GABRB1: variants seen among roughly 807,000 people sequenced by gnomAD.
GABRB1 encodes the protein gamma-aminobutyric acid type A receptor subunit beta1.
GABRB1 carries 17 observed loss-of-function variants against 51.6 expected under a neutral mutation model. The ratio of observed to expected loss-of-function variants is 0.33; its 90% CI spans 0.23 to 0.49. The LOEUF (loss-of-function observed/expected upper bound fraction) is 0.49, where lower values mean the gene tolerates loss of function less well. Among genes scored for constraint, GABRB1 ranks in the 20% least tolerant of loss-of-function variants. The pLI, the probability that GABRB1 is intolerant of heterozygous loss-of-function variation, is 0.99. For missense variants in GABRB1, 410 were observed against 600.6 expected, an observed-to-expected ratio of 0.68 and a Z score of 3.32; for synonymous variants, 247 against 218.9, an observed-to-expected ratio of 1.13 and a Z score of -1.14.
At chr4:47,275,925 A>C (rs1171797223) in intron 4 of GABRB1, among the ~76,000 whole-genome samples, 1 of 152,178 alleles carries the variant, frequency 6.6e-6, no homozygotes. Flanking sequence ...ATACATGGAC[A>C]GGCTTTGGAT....
intron 5 of GABRB1, among the ~76,000 whole-genome samples, chr4:47,335,869 T>C (rs1361970589): frequency 6.6e-6 from 1 of 152,132 alleles, no homozygotes; most frequent in Admixed American, 6.5e-5. Flanking sequence ...CAAGGTGAGA[T>C]GTATGTTGAA....
chr4:47,395,051 C>A (rs1293668798), intron 5 of GABRB1, among the ~76,000 whole-genome samples: 1 of 152,068 alleles, frequency 6.6e-6, no homozygotes, highest in African/African-American at 2.4e-5. Context: ...GTGAAATGTA[C>A]AGCATTGCAA....
intron 5 of GABRB1, among the ~76,000 whole-genome samples, chr4:47,370,669 T>A (rs544655993): frequency 9.8e-4 from 149 of 152,278 alleles, no homozygotes; most frequent in South Asian, 2.3e-3. Flanking sequence ...GCAGGTATAT[T>A]CTGTGCTCAA....
chr4:46,997,530 C>T (rs1724038747), intron 1 of GABRB1, among the ~76,000 whole-genome samples: 1 of 151,772 alleles, frequency 6.6e-6, no homozygotes, highest in Admixed American at 6.6e-5. Flanking sequence ...TGGTAACTAC[C>T]ATTCTACTCT....
chr4:47,240,605 A>T (rs1465535889), intron 4 of GABRB1, among the ~76,000 whole-genome samples: 1 of 152,216 alleles, frequency 6.6e-6, no homozygotes, highest in Non-Finnish European at 1.5e-5. Context: ...CTCAGCAGTG[A>T]AAGGAGCTGA....
chr4:47,356,742 C>T (rs572634984), intron 5 of GABRB1, among the ~76,000 whole-genome samples: 113 of 152,056 alleles, frequency 7.4e-4, no homozygotes, highest in South Asian at 4.4e-3. Flanking sequence ...GCTTCCATCC[C>T]GTAATGTTCA....
At chr4:47,193,555 A>G (rs1168465622) in intron 4 of GABRB1, among the ~76,000 whole-genome samples, 1 of 152,250 alleles carries the variant, frequency 6.6e-6, no homozygotes, top group Non-Finnish European at 1.5e-5. Context: ...AACACCAAAT[A>G]TCTCACAGAG....
chr4:47,221,625 G>A (rs950327551), intron 4 of GABRB1, among the ~76,000 whole-genome samples: 12 of 151,538 alleles, frequency 7.9e-5, no homozygotes, highest in African/African-American at 2.9e-4. Flanking sequence ...GCCGTATAAA[G>A]GTGCCACAAC....
intron 3 of GABRB1, among the ~76,000 whole-genome samples, chr4:47,059,605 T>C (rs1164938735): frequency 1.3e-5 from 2 of 152,210 alleles, no homozygotes; most frequent in African/African-American, 4.8e-5. Flanking sequence ...GATATTTTCT[T>C]GCTGCAACAT....
intron 5 of GABRB1, among the ~76,000 whole-genome samples, chr4:47,353,113 A>G (rs1444212573): frequency 6.6e-6 from 1 of 152,076 alleles, no homozygotes; most frequent in East Asian, 1.9e-4. Context: ...ATCAGATCTC[A>G]TGAGACTTAT....
intron 3 of GABRB1, among the ~76,000 whole-genome samples, chr4:47,079,784 T>G (rs1325022603): frequency 7.6e-6 from 1 of 131,074 alleles, no homozygotes; most frequent in Admixed American, 9.2e-5. Flanking sequence ...CACTCATAGG[T>G]GGGAACTGAA....
chr4:47,015,133 C>T (rs1337791444), intron 1 of GABRB1, among the ~76,000 whole-genome samples: 1 of 152,146 alleles, frequency 6.6e-6, no homozygotes, highest in Non-Finnish European at 1.5e-5. Context: ...GTCTCGAACT[C>T]CTGACCTTGT....
In GABRB1 at chr4:47,019,619, TTC is replaced by T. The variant is rs1175048632; in HGVS notation, c.-19-12287_-19-12286del. Among the ~76,000 whole-genome samples, 278 of 108,096 alleles carry T rather than the reference TTC, an allele frequency of 2.6e-3. 5 individuals carry two copies. Among genetic ancestry groups the T allele is most frequent in the Non-Finnish European group, 1.6e-3 (84 of 53,178 alleles). The allele number at this position is 108,096 out of a possible 152,430, so 70.9% of individuals were successfully genotyped here. A position where few individuals can be genotyped will look rare whatever the true frequency, so the allele number is the denominator to read the frequency against. The stretch of plus-strand genomic sequence containing the variant: ...CTCCCTTCCTCCCTTCTTTCTTTCT[TTC>T]TCTCTCTTTCTTTCTTTCTTTCTTT... On this transcript the variant is annotated intron_variant, in intron 1 of 3. Transcript: ENST00000513567.
At chr4:47,416,611 C>T (rs1728929576) in intron 8 of GABRB1, among the ~76,000 whole-genome samples, 1 of 151,908 alleles carries the variant, frequency 6.6e-6, no homozygotes, top group African/African-American at 2.4e-5. Flanking sequence ...GCCACCACAC[C>T]CGGCTAATTT....
chr4:47,105,314 C>G (rs1465397313), intron 3 of GABRB1, among the ~76,000 whole-genome samples: 1 of 151,992 alleles, frequency 6.6e-6, no homozygotes, highest in Non-Finnish European at 1.5e-5. Context: ...TCTCTTTTAT[C>G]TCTCTCTCTC....
Position 47,113,008 on chromosome 4 carries a change from C to T in GABRB1, c.241-48241C>T, listed in dbSNP as rs551013680. Among the ~76,000 whole-genome samples the T allele has an allele frequency of 3.3e-5, 5 of 152,046 alleles. No homozygotes were observed. In the South Asian group the frequency reaches 8.3e-4, roughly 25 times the overall value. On this transcript the variant is annotated intron_variant, in intron 3 of 8. Transcript: ENST00000295454. ...TTTATGTGTCTACTTCTGTATTAGG[C>T]TTGAAATGGAGTTAGAAGGTTGGAT...
intron 4 of GABRB1, among the ~76,000 whole-genome samples, chr4:47,190,821 G>T (rs952835427): frequency 4.6e-5 from 7 of 152,134 alleles, no homozygotes; most frequent in African/African-American, 1.7e-4. Context: ...AGGGAGCACA[G>T]TTGAGTATTC....
At chr4:47,107,978 T>C (rs1405969607) in intron 3 of GABRB1, among the ~76,000 whole-genome samples, 1 of 152,126 alleles carries the variant, frequency 6.6e-6, no homozygotes, top group Non-Finnish European at 1.5e-5. Context: ...TATTTTGTTT[T>C]TGTTGTTATT....
At chr4:47,257,937 A>G (rs1722278293) in intron 4 of GABRB1, among the ~76,000 whole-genome samples, 1 of 152,098 alleles carries the variant, frequency 6.6e-6, no homozygotes, top group Non-Finnish European at 1.5e-5. Flanking sequence ...TTAAAAGAGT[A>G]TGGGGAAAAA....
Sources: allele counts gnomAD v4.1 joint callset (sites outside exome capture counted in the v4.1 genomes callset), GRCh38; gene constraint gnomAD v4.1.1; transcripts MANE v1.5; gene names NCBI Gene and HGNC (gene_info 2026-07-23, HGNC 2026-07-21).